Variants in CTNNA2 observed in about 807,000 individuals in gnomAD.
The protein encoded by CTNNA2 is catenin alpha-2.
A neutral mutation model predicts 101.0 loss-of-function variants in CTNNA2; 42 were observed. The observed-to-expected ratio is 0.42, with a 90% CI of 0.32 to 0.54. The LOEUF (loss-of-function observed/expected upper bound fraction) is 0.54. Among genes scored for constraint, CTNNA2 ranks in the 20% least tolerant of loss-of-function variants. The pLI is 0.14. For synonymous variants in CTNNA2, 450 were observed against 456.4 expected (o/e 0.99, Z 0.18); for missense variants, 871 against 1,223.1 (o/e 0.71, Z 4.29).
At chr2:79,653,545 C>A (rs1446604816) in intron 2 of CTNNA2, among the ~76,000 whole-genome samples, 2 of 152,128 alleles carry the variant, frequency 1.3e-5, no homozygotes, top group African/African-American at 4.8e-5. Context: ...CTTCAAAGAG[C>A]CCTCCTTTCA....
At chr2:80,290,779 T>C (rs1370623282) in intron 7 of CTNNA2, among the ~76,000 whole-genome samples, 2 of 152,032 alleles carry the variant, frequency 1.3e-5, no homozygotes, top group Admixed American at 6.6e-5. Context: ...GAATGCCTGG[T>C]GTAGCTCATA....
intron 7 of CTNNA2, among the ~76,000 whole-genome samples, chr2:80,051,332 T>C (rs924691669): frequency 6.6e-6 from 1 of 152,214 alleles, no homozygotes; most frequent in African/African-American, 2.4e-5. Context: ...TTCTGTTGTA[T>C]TGTGTATCAT....
chr2:79,366,730 A>T (rs1677759120), intron 3 of CTNNA2, among the ~76,000 whole-genome samples: 1 of 152,246 alleles, frequency 6.6e-6, no homozygotes, highest in Non-Finnish European at 1.5e-5. Flanking sequence ...TGAACACCTA[A>T]CATTTGCCAT....
chr2:80,059,315 G>A (rs1028995015), intron 7 of CTNNA2, among the ~76,000 whole-genome samples: 4 of 152,184 alleles, frequency 2.6e-5, no homozygotes, highest in Non-Finnish European at 5.9e-5. Context: ...CAGGTGAAAA[G>A]AGATGCTTAC....
intron 2 of CTNNA2, among the ~76,000 whole-genome samples, chr2:79,722,396 T>C (rs866600672): frequency 8.5e-5 from 13 of 152,288 alleles, no homozygotes; most frequent in South Asian, 2.1e-4. Context: ...AGGGATGAAC[T>C]TGCTCACAGA....
chr2:80,508,562 A>G (rs1688456715), intron 9 of CTNNA2, among the ~76,000 whole-genome samples: 1 of 151,978 alleles, frequency 6.6e-6, no homozygotes, highest in African/African-American at 2.4e-5. Context: ...TTACCCTACA[A>G]CATATGGACT....
intron 1 of CTNNA2, among the ~76,000 whole-genome samples, chr2:79,534,308 C>A (rs778328196): frequency 6.6e-6 from 1 of 151,756 alleles, no homozygotes; most frequent in Non-Finnish European, 1.5e-5. Context: ...AAATGAACAC[C>A]GTTGGGCGCA....
At chr2:80,610,715 G>A (rs1168771202) in intron 17 of CTNNA2, among the ~76,000 whole-genome samples, 1 of 151,684 alleles carries the variant, frequency 6.6e-6, no homozygotes, top group African/African-American at 2.4e-5. Context: ...ATGCTGGCAT[G>A]ATGAACATAT....
intron 1 of CTNNA2, among the ~76,000 whole-genome samples, chr2:79,639,932 TTGTGTGTGTGTGTG>T (rs60058512): frequency 4.8e-5 from 7 of 145,216 alleles, no homozygotes; most frequent in East Asian, 2.0e-4. Flanking sequence ...TTAACTATAA[TTGTGTGTGTGTGTG>T]TGTGTGTGTG....
intron 3 of CTNNA2, among the ~76,000 whole-genome samples, chr2:79,774,513 A>G (rs1673822624): frequency 6.6e-6 from 1 of 152,102 alleles, no homozygotes; most frequent in Admixed American, 6.6e-5. Flanking sequence ...TCTTCTAGAC[A>G]CTCTGGGCCA....
chr2:80,182,288 G>A (rs546199429), intron 7 of CTNNA2, among the ~76,000 whole-genome samples: 1 of 152,296 alleles, frequency 6.6e-6, no homozygotes, highest in East Asian at 1.9e-4. Flanking sequence ...AGGGCAGGAA[G>A]CATCCAGCTC....
intron 2 of CTNNA2, among the ~76,000 whole-genome samples, chr2:79,699,325 A>G (rs185275495): frequency 3.5e-4 from 53 of 152,234 alleles, no homozygotes; most frequent in African/African-American, 1.2e-3. Context: ...ATTCATTAAT[A>G]AGATGAGGAT....
rs1473060632 is a variant in CTNNA2 at position 80,576,786 on chromosome 2, TGAA to T, written c.1893+2473_1893+2475del. Among the ~76,000 whole-genome samples, 38 of 112,098 alleles carry T rather than the reference TGAA, an allele frequency of 3.4e-4. 1 individual carries two copies. Among genetic ancestry groups the T allele is most frequent in the Middle Eastern group, 5.3e-3 (1 of 188 alleles). 73.5% of individuals were successfully genotyped at this position (112,098 alleles called of 152,430 possible). On this transcript the variant is annotated intron_variant, in intron 13 of 18. Coordinates refer to ENST00000402739, the MANE Select transcript of CTNNA2 (RefSeq NM_001282597.3). ...CAACATGGTGAAACCCTGTCTCTAC[TGAA>T]AAAAAAAAAAAAAAAAAAATACAAA...
intron 9 of CTNNA2, among the ~76,000 whole-genome samples, chr2:80,517,315 T>C (rs1249812744): frequency 2.6e-5 from 4 of 152,186 alleles, no homozygotes; most frequent in African/African-American, 9.7e-5. Context: ...AGCAGTTAAC[T>C]TGTAATGATT....
chr2:80,322,617 C>A (rs1484407792), intron 7 of CTNNA2, among the ~76,000 whole-genome samples: 5 of 151,730 alleles, frequency 3.3e-5, no homozygotes, highest in Admixed American at 6.6e-5. Flanking sequence ...GGCGCAGATG[C>A]GCTGCCCCGG....
chr2:80,544,968 C>T lies in CTNNA2; in HGVS notation c.1291-14C>T, dbSNP rs759742315. On this transcript the variant is annotated splice_polypyrimidine_tract_variant and intron_variant, in intron 9 of 18. Coordinates refer to ENST00000402739, the MANE Select transcript of CTNNA2 (RefSeq NM_001282597.3). Reference sequence around the variant, plus strand: ...GCCCCAACCTAATATTCACTAAAATCCTCTTCAATACAGGTTGCCAATTTG... The same window carrying T: ...GCCCCAACCTAATATTCACTAAAATTCTCTTCAATACAGGTTGCCAATTTG... 1.2e-5 allele frequency: 20 copies of T among 1,611,648 alleles called. No homozygotes were observed. In the East Asian group the frequency reaches 2.0e-4, roughly 16 times the overall value.
intron 9 of CTNNA2, among the ~76,000 whole-genome samples, chr2:80,522,737 C>T (rs1689678240): frequency 6.6e-6 from 1 of 152,098 alleles, no homozygotes; most frequent in African/African-American, 2.4e-5. Flanking sequence ...TTGCTTTCCC[C>T]CTCACCTTCC....
chr2:80,355,326 GT>G (rs1198462253), intron 7 of CTNNA2, among the ~76,000 whole-genome samples: 2 of 152,110 alleles, frequency 1.3e-5, no homozygotes, highest in Non-Finnish European at 2.9e-5. Flanking sequence ...AGAACAGATC[GT>G]TTTTCTGATA....
chr2:79,264,297 A>G (rs1674962146), intron 2 of CTNNA2, among the ~76,000 whole-genome samples: 1 of 152,180 alleles, frequency 6.6e-6, no homozygotes, highest in African/African-American at 2.4e-5. Flanking sequence ...CACTGGTAGT[A>G]GAGATGATGC....
Sources: gnomAD v4.1 joint callset for allele counts (sites outside exome capture counted in the v4.1 genomes callset) on GRCh38, gnomAD v4.1.1 for gene constraint, MANE v1.5 for transcripts, NCBI Gene and HGNC (gene_info 2026-07-23, HGNC 2026-07-21) for gene names.